ARHGAP44: variants seen among roughly 807,000 people sequenced by gnomAD.
ARHGAP44 encodes Rho GTPase activating protein 44.
Under a neutral mutation model 106.8 loss-of-function variants are expected in ARHGAP44, and 43 were observed. That is an observed-to-expected ratio of 0.40 (90% CI 0.32 to 0.52). ARHGAP44 has a LOEUF of 0.52. ARHGAP44 is among the 20% of genes least tolerant of loss of function. ARHGAP44 has a pLI of 0.48. For synonymous variants in ARHGAP44, 439 were observed against 410.3 expected, an observed-to-expected ratio of 1.07 and a Z score of -0.85; for missense variants, 866 against 1,050.5, an observed-to-expected ratio of 0.82 and a Z score of 2.43.
rs573650551 is a variant in ARHGAP44, at chr17:12,790,292, C to T, written c.53+401C>T. Reference sequence around the variant, plus strand: ...GCAGTCGGTCTCCGGAGATCTCTTCCCTCCCCTCCCCTGCGCCGAGTTCAG... The same window carrying T: ...GCAGTCGGTCTCCGGAGATCTCTTCTCTCCCCTCCCCTGCGCCGAGTTCAG... On this transcript the variant is annotated intron_variant, in intron 1 of 20. Coordinates refer to ENST00000379672, the MANE Select transcript of ARHGAP44 (RefSeq NM_014859.6). The T allele has an allele frequency of 5.7e-5, 11 of 191,608 alleles. No homozygotes were observed. In the East Asian group the frequency reaches 1.6e-3, roughly 28 times the overall value. 11.9% of individuals were successfully genotyped at this position (191,608 alleles called of 1,614,324 possible).
intron 7 of ARHGAP44, among the ~76,000 whole-genome samples, chr17:12,931,183 T>C (rs916712695): frequency 6.6e-6 from 1 of 152,090 alleles, no homozygotes; most frequent in Admixed American, 6.5e-5. Context: ...GCAATTCTTA[T>C]GCCTTAGCCT....
intron 7 of ARHGAP44, among the ~76,000 whole-genome samples, chr17:12,935,465 G>T (rs1159201483): frequency 1.3e-5 from 2 of 151,722 alleles, no homozygotes; most frequent in Admixed American, 6.6e-5. Flanking sequence ...AGCTACTTGG[G>T]AAGCCAAATA....
intron 20 of ARHGAP44, chr17:12,985,566 G>A (rs1218208619): frequency 6.6e-6 from 1 of 152,178 alleles, no homozygotes; most frequent in Non-Finnish European, 1.5e-5. Flanking sequence ...AGAAAAATCT[G>A]TAAGCACAAA....
At chr17:12,934,617 G>T (rs1322628651) in intron 7 of ARHGAP44, among the ~76,000 whole-genome samples, 1 of 152,216 alleles carries the variant, frequency 6.6e-6, no homozygotes, top group African/African-American at 2.4e-5. Flanking sequence ...GCTTCCACTG[G>T]TGTGGATTTT....
chr17:12,790,379 GT>G, intron 1 of ARHGAP44: 1 of 160,092 alleles, frequency 6.2e-6, no homozygotes, highest in Non-Finnish European at 1.4e-5. Flanking sequence ...CGCCGTGTTT[GT>G]TTTCAGGGAC....
chr17:12,985,363 G>A (rs2039933769), intron 20 of ARHGAP44: 1 of 156,440 alleles, frequency 6.4e-6, no homozygotes, highest in South Asian at 2.0e-4. Context: ...ACTAAAATAA[G>A]CCTTGCTAGA....
rs746002872 is a variant in ARHGAP44 at position 12,984,685 on chromosome 17, C to T, written c.2094C>T (p.Tyr698=). The part of the protein sequence containing the change: ...SPYGLSYPQG[Y]SLASGQLSPA... Reference sequence around the variant, plus strand: ...ATGGACTGAGCTACCCTCAGGGGTACTCCTTGGCCTCGGGCCAGCTCTCCC... The same window carrying T: ...ATGGACTGAGCTACCCTCAGGGGTATTCCTTGGCCTCGGGCCAGCTCTCCC... Residue 698 remains tyrosine (Y), a synonymous_variant, in exon 20 of 21, where the codon TAC becomes TAT. Transcript: ENST00000379672. The T allele has an allele frequency of 3.1e-6, 5 of 1,613,318 alleles. No individual in the cohort carries two copies. Among genetic ancestry groups the T allele is most frequent in the Non-Finnish European group, 4.2e-6 (5 of 1,179,658 alleles).
intron 1 of ARHGAP44, among the ~76,000 whole-genome samples, chr17:12,872,368 G>A (rs567743619): frequency 2.0e-5 from 3 of 152,006 alleles, no homozygotes; most frequent in East Asian, 1.9e-4. Context: ...ATTTCTTCTC[G>A]CTGGACTTGG....
At chr17:12,831,615 C>T (rs1199728968) in intron 1 of ARHGAP44, among the ~76,000 whole-genome samples, 1 of 152,158 alleles carries the variant, frequency 6.6e-6, no homozygotes, top group African/African-American at 2.4e-5. Flanking sequence ...CAGGATTCAA[C>T]CCTCCCATCG....
intron 1 of ARHGAP44, among the ~76,000 whole-genome samples, chr17:12,791,839 G>A (rs1435120116): frequency 2.0e-5 from 3 of 152,108 alleles, no homozygotes; most frequent in Non-Finnish European, 4.4e-5. Context: ...GCCTTTCTCC[G>A]TTGGTAGCCA....
intron 1 of ARHGAP44, among the ~76,000 whole-genome samples, chr17:12,805,088 G>T (rs2034232552): frequency 6.6e-6 from 1 of 152,184 alleles, no homozygotes; most frequent in African/African-American, 2.4e-5. Context: ...GGCATGATGA[G>T]AATATAATTG....
At chr17:12,986,332 G>T (rs1365735670) in intron 20 of ARHGAP44, 4 of 152,210 alleles carry the variant, frequency 2.6e-5, no homozygotes, top group Non-Finnish European at 5.9e-5. Flanking sequence ...CCTCGGGGAA[G>T]GTCACAGCTG....
intron 16 of ARHGAP44, among the ~76,000 whole-genome samples, chr17:12,959,747 T>C (rs1312803732): frequency 6.6e-6 from 1 of 152,184 alleles, no homozygotes; most frequent in African/African-American, 2.4e-5. Context: ...GGTTAGAAAT[T>C]AAAAATTACT....
intron 1 of ARHGAP44, among the ~76,000 whole-genome samples, chr17:12,848,724 C>T (rs149550240): frequency 6.6e-6 from 1 of 152,188 alleles, no homozygotes; most frequent in African/African-American, 2.4e-5. Context: ...ATCATACATT[C>T]CTGGAAGGAA....
At chr17:12,799,150 T>C (rs915334795) in intron 1 of ARHGAP44, among the ~76,000 whole-genome samples, 2 of 152,220 alleles carry the variant, frequency 1.3e-5, no homozygotes, top group Non-Finnish European at 2.9e-5. Context: ...TCAGCACATA[T>C]GTTTTCTAGT....
chr17:12,852,010 G>C (rs1309098403), intron 1 of ARHGAP44, among the ~76,000 whole-genome samples: 1 of 151,098 alleles, frequency 6.6e-6, no homozygotes, highest in Non-Finnish European at 1.5e-5. Flanking sequence ...AAGGGTTTAG[G>C]AATGAATTGA....
chr17:12,793,831 C>T (rs2033839658), intron 1 of ARHGAP44, among the ~76,000 whole-genome samples: 1 of 152,186 alleles, frequency 6.6e-6, no homozygotes, highest in Non-Finnish European at 1.5e-5. Flanking sequence ...TCTTTGGAGG[C>T]AGGGACAGCT....
rs1484881253 is a variant in ARHGAP44 at position 12,850,868 on chromosome 17, G to A, written c.54-44072G>A. ...ATGAATGAATGAGGACCTGGCTGAGGATAGAAGCCTCTTGGAATCACTGAG... is the reference window on the plus strand; with the variant it reads ...ATGAATGAATGAGGACCTGGCTGAGAATAGAAGCCTCTTGGAATCACTGAG... On this transcript the variant is annotated intron_variant, in intron 1 of 20. Transcript: ENST00000379672. Among the ~76,000 whole-genome samples, 4 of 152,202 alleles carry A rather than the reference G, an allele frequency of 2.6e-5. No individual in the cohort carries two copies. In the East Asian group the frequency reaches 7.7e-4, roughly 29 times the overall value.
At chr17:12,825,488 T>G (rs923578538) in intron 1 of ARHGAP44, among the ~76,000 whole-genome samples, 2 of 151,908 alleles carry the variant, frequency 1.3e-5, no homozygotes, top group African/African-American at 4.8e-5. Context: ...TTGGCTCATG[T>G]GGTTGTGGGG....
Sources: gnomAD v4.1 joint callset for allele counts (sites outside exome capture counted in the v4.1 genomes callset) on GRCh38, gnomAD v4.1.1 for gene constraint, MANE v1.5 for transcripts, NCBI Gene and HGNC (gene_info 2026-07-23, HGNC 2026-07-21) for gene names.